EIF3H: variants seen among roughly 807,000 people sequenced by gnomAD.
The protein encoded by EIF3H is eIF-3-gamma.
In EIF3H, 26 loss-of-function variants were observed where a neutral mutation model predicts 44.2. That is an observed-to-expected ratio of 0.59 (90% CI 0.43 to 0.82). The LOEUF (loss-of-function observed/expected upper bound fraction) is 0.82, where lower values mean the gene tolerates loss of function less well. Ranked by LOEUF, EIF3H falls within the 40% of genes least tolerant of loss-of-function variation. The pLI is 0.00. For synonymous variants in EIF3H, 166 were observed against 151.9 expected, an observed-to-expected ratio of 1.09 and a Z score of -0.68; for missense variants, 359 against 432.8, an observed-to-expected ratio of 0.83 and a Z score of 1.51.
At chr8:116,762,065 T>C (rs1457638761) in intron 1 of EIF3H, among the ~76,000 whole-genome samples, 2 of 152,244 alleles carry the variant, frequency 1.3e-5, no homozygotes, top group Non-Finnish European at 2.9e-5. Flanking sequence ...CTTGGAAGAC[T>C]TTCCACCTTT....
chr8:116,756,845 T>A (rs1392246641), upstream of EIF3H, among the ~76,000 whole-genome samples: 1 of 152,086 alleles, frequency 6.6e-6, no homozygotes, highest in African/African-American at 2.4e-5. Context: ...GTCCACAAAT[T>A]TAGAGGTTTT....
In EIF3H at chr8:116,655,886, T is replaced by C. The variant is rs532675105; in HGVS notation, c.677A>G (p.Asp226Gly). The C allele has an allele frequency of 3.1e-6, 5 of 1,613,842 alleles. No individual in the cohort carries two copies. Among genetic ancestry groups the C allele is most frequent in the Non-Finnish European group, 4.2e-6 (5 of 1,179,788 alleles). ...WELEKKSAVADKHELLSLASS... is the reference protein window; with the variant it reads ...WELEKKSAVAGKHELLSLASS... ...GGCAAGGCTGAGCAATTCATGTTTA[T>C]CTGCAACAGCTGACTTCTTTTCAAG... Residue 226 changes from aspartate to glycine, a missense_variant, in exon 5 of 8, where the codon GAT (aspartate) becomes GGT (glycine). By Grantham distance (94) the Asp-to-Gly change is moderately conservative. Coordinates refer to ENST00000521861, the MANE Select transcript of EIF3H (RefSeq NM_003756.3).
chr8:116,682,896 C>T (rs1814014606), intron 2 of EIF3H, among the ~76,000 whole-genome samples: 1 of 152,200 alleles, frequency 6.6e-6, no homozygotes, highest in South Asian at 2.1e-4. Flanking sequence ...TGATAATCAT[C>T]TGACACTGAA....
chr8:116,655,225 C>T lies in EIF3H; in HGVS notation c.707+631G>A, dbSNP rs1039142950. Among the ~76,000 whole-genome samples, 4 of 151,468 alleles carry T rather than the reference C, an allele frequency of 2.6e-5. No individual in the cohort carries two copies. The Admixed American group carries it at 2.6e-4, about 10-fold the overall frequency. On this transcript the variant is annotated intron_variant, in intron 5 of 7. Coordinates refer to ENST00000521861, the MANE Select transcript of EIF3H (RefSeq NM_003756.3). ...CATTAATTTAACAAAGGGAACAATA[C>T]TTCCTTTTGGAAACCTCAATCTGCA...
chr8:116,709,467 GT>G (rs1814535139), intron 2 of EIF3H, among the ~76,000 whole-genome samples: 1 of 152,066 alleles, frequency 6.6e-6, no homozygotes, highest in African/African-American at 2.4e-5. Flanking sequence ...GGGATCACAT[GT>G]TTTATCAAAA....
At chr8:116,723,425 AG>A (rs5894350) in intron 2 of EIF3H, among the ~76,000 whole-genome samples, 33,476 of 151,462 alleles carry the variant, frequency 0.22, 4,479 homozygotes, top group African/African-American at 0.38. Context: ...GAGCATAGCC[AG>A]GTTAAAAAAA....
intron 2 of EIF3H, among the ~76,000 whole-genome samples, chr8:116,698,849 T>C (rs780403959): frequency 1.3e-5 from 2 of 152,094 alleles, no homozygotes; most frequent in Non-Finnish European, 2.9e-5. Flanking sequence ...GGTGGAGCTG[T>C]TAAAAATTTA....
At chr8:116,719,800 T>C (rs902471963) in intron 2 of EIF3H, among the ~76,000 whole-genome samples, 2 of 151,942 alleles carry the variant, frequency 1.3e-5, no homozygotes, top group African/African-American at 4.8e-5. Context: ...AAAATGACAA[T>C]TCCGATTAAT....
chr8:116,657,414 T>G (rs1813509163), intron 3 of EIF3H, 100 bp from the exon 4 acceptor site: 3 of 845,784 alleles, frequency 3.5e-6, no homozygotes, highest in Admixed American at 5.0e-5. Context: ...CGCACAATCT[T>G]TGCAAAATAA....
chr8:116,716,543 G>A (rs1442674382), intron 2 of EIF3H, among the ~76,000 whole-genome samples: 2 of 152,058 alleles, frequency 1.3e-5, no homozygotes, highest in Admixed American at 1.3e-4. Flanking sequence ...ATCAATTTAT[G>A]ATGAAAGAGA....
chr8:116,691,988 T>C (rs1341176939), intron 2 of EIF3H, among the ~76,000 whole-genome samples: 3 of 152,206 alleles, frequency 2.0e-5, no homozygotes, highest in Non-Finnish European at 4.4e-5. Flanking sequence ...AGTTTTCTGA[T>C]AGCTTGTGCA....
chr8:116,731,296 A>C (rs1001626803), intron 1 of EIF3H, among the ~76,000 whole-genome samples: 2 of 152,200 alleles, frequency 1.3e-5, no homozygotes, highest in African/African-American at 2.4e-5. Flanking sequence ...AAGTATACTA[A>C]TGCGTGAGCA....
chr8:116,656,767 A>G (rs768781380), intron 4 of EIF3H, among the ~76,000 whole-genome samples: 1 of 152,324 alleles, frequency 6.6e-6, no homozygotes, highest in African/African-American at 2.4e-5. Flanking sequence ...TTCTCTGCAT[A>G]ACTGTCACCC....
At chr8:116,717,192 A>G (rs1398552219) in intron 2 of EIF3H, among the ~76,000 whole-genome samples, 1 of 152,058 alleles carries the variant, frequency 6.6e-6, no homozygotes, top group Non-Finnish European at 1.5e-5. Flanking sequence ...TGGGTTAGCA[A>G]GGAGGTGAAA....
intron 5 of EIF3H, among the ~76,000 whole-genome samples, chr8:116,652,821 G>A (rs1813418085): frequency 6.6e-6 from 1 of 151,958 alleles, no homozygotes; most frequent in African/African-American, 2.4e-5. Flanking sequence ...AAGAAGGAAG[G>A]AGTAGATCAA....
At chr8:116,648,745 G>T in intron 6 of EIF3H, 61 bp downstream of exon 6, 1 of 1,496,512 alleles carries the variant, frequency 6.7e-7, no homozygotes, top group South Asian at 1.4e-5. Flanking sequence ...TTTTGAACAT[G>T]ACTCTTGAAA....
intron 2 of EIF3H, among the ~76,000 whole-genome samples, chr8:116,700,922 A>C (rs1814364680): frequency 1.3e-5 from 2 of 152,358 alleles, no homozygotes; most frequent in African/African-American, 4.8e-5. Flanking sequence ...GGGTATACTC[A>C]AAACATTGAA....
At chr8:116,656,728 T>C (rs1455783989) in intron 4 of EIF3H, among the ~76,000 whole-genome samples, 3 of 152,166 alleles carry the variant, frequency 2.0e-5, no homozygotes, top group Admixed American at 1.3e-4. Context: ...TGCCATTAAA[T>C]AGGATCCCAA....
At chr8:116,709,423 T>C (rs1814534293) in intron 2 of EIF3H, among the ~76,000 whole-genome samples, 1 of 152,214 alleles carries the variant, frequency 6.6e-6, no homozygotes, top group Non-Finnish European at 1.5e-5. Context: ...TCTATGGAGA[T>C]AACAGATGAC....
Sources: gnomAD v4.1 joint callset for allele counts (sites outside exome capture counted in the v4.1 genomes callset) on GRCh38, gnomAD v4.1.1 for gene constraint, MANE v1.5 for transcripts, NCBI Gene and HGNC (gene_info 2026-07-23, HGNC 2026-07-21) for gene names.